Variants in FAM193A observed in about 807,000 individuals in gnomAD.
The protein encoded by FAM193A is protein FAM193A.
Under a neutral mutation model 126.5 loss-of-function variants are expected in FAM193A, and 22 were observed. The ratio of observed to expected loss-of-function variants is 0.17; its 90% CI spans 0.12 to 0.25. The LOEUF is 0.25. FAM193A is among the 10% of genes least tolerant of loss of function. The pLI, the probability that FAM193A is intolerant of heterozygous loss-of-function variation, is 1.00. For synonymous variants in FAM193A, 761 were observed against 646.8 expected (o/e 1.18, Z -2.68); for missense variants, 1,675 against 1,672.8 (o/e 1.00, Z -0.02).
intron 19 of FAM193A, among the ~76,000 whole-genome samples, chr4:2,714,417 C>G (rs1719324963): frequency 6.6e-6 from 1 of 152,114 alleles, no homozygotes; most frequent in Non-Finnish European, 1.5e-5. Context: ...TTTCCTTTAA[C>G]CTAATCTTTC....
intron 5 of FAM193A, among the ~76,000 whole-genome samples, chr4:2,637,421 G>A (rs1364452822): frequency 6.6e-6 from 1 of 152,136 alleles, no homozygotes; most frequent in African/African-American, 2.4e-5. Context: ...TAGTCATCTA[G>A]GAAACACCTC....
At chr4:2,598,582 C>T (rs1741005032) in intron 2 of FAM193A, among the ~76,000 whole-genome samples, 1 of 152,190 alleles carries the variant, frequency 6.6e-6, no homozygotes, top group Non-Finnish European at 1.5e-5. Flanking sequence ...GTTCCTGTTT[C>T]TTCTCCTTTC....
intron 3 of FAM193A, 174 bp downstream of exon 3, chr4:2,625,569 A>G (rs1437219860): frequency 2.2e-6 from 1 of 457,598 alleles, no homozygotes; most frequent in African/African-American, 2.0e-5. Flanking sequence ...GTTGCTCTTG[A>G]GGAACTGGCA....
intron 19 of FAM193A, among the ~76,000 whole-genome samples, chr4:2,714,301 T>C (rs1406902943): frequency 6.6e-6 from 1 of 152,192 alleles, no homozygotes; most frequent in Non-Finnish European, 1.5e-5. Context: ...TCCCATGCCC[T>C]GAAGCACCTC....
chr4:2,589,667 AAGG>A (rs1186899931), intron 1 of FAM193A, among the ~76,000 whole-genome samples: 1 of 152,192 alleles, frequency 6.6e-6, no homozygotes, highest in African/African-American at 2.4e-5. Flanking sequence ...AACCACTGAG[AAGG>A]AGGTTTAAGT....
At chr4:2,713,083 C>T (rs575033909) in intron 19 of FAM193A, among the ~76,000 whole-genome samples, 3 of 104,188 alleles carry the variant, frequency 2.9e-5, no homozygotes, top group East Asian at 2.8e-4. Flanking sequence ...CCAGCCTGGG[C>T]GACAGAGCTA....
Position 2,682,897 on chromosome 4 carries a change from TAAG to T in FAM193A, c.2332-6601_2332-6599del, listed in dbSNP as rs142054009. On this transcript the variant is annotated intron_variant, in intron 13 of 20. Transcript: ENST00000637812. ...CAGTTATCTTTTAGATGAATAATAA[TAAG>T]AAGAAGATATTTTACTTTGTCTTTA... 7.5e-3 allele frequency among the ~76,000 whole-genome samples: 1,146 copies of T among 152,362 alleles called. 19 individuals carry two copies. Among genetic ancestry groups the T allele is most frequent in the African/African-American group, 0.026 (1,093 of 41,582 alleles).
intron 2 of FAM193A, among the ~76,000 whole-genome samples, chr4:2,614,934 C>G (rs1416981168): frequency 1.3e-5 from 2 of 152,174 alleles, no homozygotes; most frequent in African/African-American, 4.8e-5. Context: ...GTGATTGCTT[C>G]CCTCCTCTTT....
chr4:2,566,855 T>C (rs1738992014), intron 1 of FAM193A, among the ~76,000 whole-genome samples: 1 of 152,060 alleles, frequency 6.6e-6, no homozygotes, highest in Non-Finnish European at 1.5e-5. Context: ...TTATTAAAAA[T>C]ACAAAAATGT....
rs1380105968 is a variant in FAM193A, at chr4:2,727,791, G to C, written c.4455-3984G>C. On this transcript the variant is annotated intron_variant, in intron 20 of 20. Transcript: ENST00000637812. ...TCCGCAGCCCACAGATGGTGCCAGT[G>C]GGGCAGAGGAATCTGTGAGCAGACT... Among the ~76,000 whole-genome samples, 3 of 152,124 alleles carry C rather than the reference G, an allele frequency of 2.0e-5. No homozygotes were observed. The East Asian group carries it at 5.8e-4, about 29-fold the overall frequency.
intron 4 of FAM193A, 44 bp from the exon 5 acceptor site, chr4:2,630,876 ACATCAGAGCACCCAT>A: frequency 1.1e-6 from 1 of 928,946 alleles, no homozygotes; most frequent in Non-Finnish European, 1.7e-6. Context: ...ATGCTCACTG[ACATCAGAGCACCCAT>A]GGGCCCTGGT....
rs1743082182 is a variant in FAM193A at position 2,627,385 on chromosome 4, AT to A, written c.803+809del. On this transcript the variant is annotated intron_variant, in intron 4 of 20. Transcript: ENST00000637812. ...CATGTTGGTCAGGTTGGTCTCTAAC[AT>A]AATCCACCTGCCTTGACCTCCCAAA... Among the ~76,000 whole-genome samples, 240 of 137,818 alleles carry A rather than the reference AT, an allele frequency of 1.7e-3. 32 individuals are homozygous for A. Among genetic ancestry groups the A allele is most frequent in the East Asian group, 2.7e-3 (12 of 4,484 alleles). 90.4% of individuals were successfully genotyped at this position (137,818 alleles called of 152,430 possible). A position where few individuals can be genotyped will look rare whatever the true frequency, so the allele number is the denominator to read the frequency against.
intron 2 of FAM193A, among the ~76,000 whole-genome samples, chr4:2,603,370 C>T (rs987151823): frequency 2.6e-5 from 4 of 151,116 alleles, no homozygotes; most frequent in Non-Finnish European, 5.9e-5. Context: ...ACGCAACCTC[C>T]GCCTCTTGGG....
chr4:2,712,066 ATTGCTTTTGTT>A (rs1242903286), intron 19 of FAM193A, among the ~76,000 whole-genome samples: 1 of 152,126 alleles, frequency 6.6e-6, no homozygotes, highest in Non-Finnish European at 1.5e-5. Flanking sequence ...ATCAGAGAAT[ATTGCTTTTGTT>A]TTGCAAAACC....
intron 5 of FAM193A, among the ~76,000 whole-genome samples, chr4:2,635,217 A>G (rs577240795): frequency 6.6e-6 from 1 of 152,300 alleles, no homozygotes; most frequent in East Asian, 1.9e-4. Flanking sequence ...TCATAGCCAC[A>G]TTATTACACT....
chr4:2,696,704 G>C, intron 18 of FAM193A, 111 bp downstream of exon 18: 1 of 755,770 alleles, frequency 1.3e-6, no homozygotes, highest in Non-Finnish European at 2.2e-6. Flanking sequence ...GGGCTCTGAC[G>C]TGTGTTCACT....
chr4:2,557,354 C>A (rs930969686), intron 1 of FAM193A, among the ~76,000 whole-genome samples: 2 of 152,112 alleles, frequency 1.3e-5, no homozygotes, highest in African/African-American at 4.8e-5. Context: ...TTCTCTTCAG[C>A]CAGCTCTCCC....
At chr4:2,536,538 G>A (rs1235127609), upstream of FAM193A, 16 of 131,192 alleles carry the variant, frequency 1.2e-4, no homozygotes, top group African/African-American at 4.4e-4. Context: ...GCAAGCAAAG[G>A]GAAAAGCAGA....
At chr4:2,555,118 A>G (rs1225011271) in intron 1 of FAM193A, among the ~76,000 whole-genome samples, 1 of 152,106 alleles carries the variant, frequency 6.6e-6, no homozygotes, top group Non-Finnish European at 1.5e-5. Flanking sequence ...TGGTGCTATT[A>G]TAGGATGCTG....
Sources: allele counts gnomAD v4.1 joint callset (sites outside exome capture counted in the v4.1 genomes callset), GRCh38; gene constraint gnomAD v4.1.1; transcripts MANE v1.5; gene names NCBI Gene and HGNC (gene_info 2026-07-23, HGNC 2026-07-21).